The following PPIP5K1 variants were observed in gnomAD, a reference collection of about 807,000 sequenced individuals.
PPIP5K1 encodes diphosphoinositol pentakisphosphate kinase 1.
Under a neutral mutation model 27.7 loss-of-function variants are expected in PPIP5K1, and 6 were observed. That is an observed-to-expected ratio of 0.22 (90% CI 0.12 to 0.43). PPIP5K1 has a LOEUF of 0.43. Among genes scored for constraint, PPIP5K1 ranks in the 20% least tolerant of loss-of-function variants. The probability of loss-of-function intolerance (pLI) is 1.00; values close to 1 mark genes in which losing one functional copy is unlikely to be tolerated. For synonymous variants in PPIP5K1, 145 were observed against 242.6 expected, an observed-to-expected ratio of 0.60 and a Z score of 3.74; for missense variants, 394 against 635.4, an observed-to-expected ratio of 0.62 and a Z score of 4.08.
intron 30 of PPIP5K1, among the ~76,000 whole-genome samples, chr15:43,554,807 T>C (rs945343665): frequency 6.6e-6 from 1 of 152,056 alleles, no homozygotes; most frequent in African/African-American, 2.4e-5. Context: ...ATTATAATTA[T>C]AATTAAATAT....
At chr15:43,551,536 C>CAAT (rs1482640091) in intron 30 of PPIP5K1, among the ~76,000 whole-genome samples, 4 of 142,238 alleles carry the variant, frequency 2.8e-5, no homozygotes, top group African/African-American at 5.3e-5. Context: ...AAAAAACCCA[C>CAAT]AATAATAATA....
At chr15:43,547,884 A>G (rs1347636074) in intron 30 of PPIP5K1, among the ~76,000 whole-genome samples, 1 of 152,258 alleles carries the variant, frequency 6.6e-6, no homozygotes, top group African/African-American at 2.4e-5. Context: ...ATTTCTGAAG[A>G]AAAGACATTA....
In PPIP5K1 at chr15:43,535,044, T is replaced by C; in HGVS notation, c.4103A>G (p.Gln1368Arg). ...TTTCTGGCACAGTTGGCTGGACTTC[T>C]GGCATGGCTGGCTGATGTGAGGGAC... Reference protein sequence around the residue: ...QEVPHISQPCQKSSQLCQKVS... With the variant: ...QEVPHISQPCRKSSQLCQKVS... Residue 1368 changes from glutamine to arginine, a missense_variant, in exon 32 of 32, where the codon CAG becomes CGG. Around this residue, in one of 4 missense-constraint regions of PPIP5K1, gnomAD observed 379 missense variants for 423.9 expected, o/e 0.89. Transcript: ENST00000420765. 6.2e-7 allele frequency: 1 copy of C among 1,613,842 alleles called. No individual in the cohort carries two copies. Among genetic ancestry groups the C allele is most frequent in the South Asian group, 1.1e-5 (1 of 91,056 alleles).
At chr15:43,558,377 A>G (rs1254238661) in intron 30 of PPIP5K1, among the ~76,000 whole-genome samples, 1 of 151,898 alleles carries the variant, frequency 6.6e-6, no homozygotes, top group Non-Finnish European at 1.5e-5. Context: ...GCAGGCGCAC[A>G]CCACCGCACC....
In PPIP5K1 at chr15:43,534,579, T is replaced by C. The variant is rs967808644; in HGVS notation, c.*95A>G. On this transcript the variant is annotated 3_prime_UTR_variant, in exon 32 of 32. Coordinates refer to ENST00000420765, the MANE Select transcript of PPIP5K1 (RefSeq NM_001394395.1). ...TGAGTGCTGGTCATGGGCTAGAGAC[T>C]GGCTCTGAGGGTTTGGATCACCAGA... The C allele has an allele frequency of 7.1e-6, 8 of 1,134,412 alleles. No individual in the cohort carries two copies. The highest frequency in any genetic ancestry group is 9.9e-6 in the Non-Finnish European group (8 of 804,204). The allele number at this position is 1,134,412 out of a possible 1,614,324, so 70.3% of individuals were successfully genotyped here. A position where few individuals can be genotyped will look rare whatever the true frequency, so the allele number is the denominator to read the frequency against.
At chr15:43,554,863 TTCTC>T (rs1277468695) in intron 30 of PPIP5K1, among the ~76,000 whole-genome samples, 1 of 152,068 alleles carries the variant, frequency 6.6e-6, no homozygotes, top group East Asian at 1.9e-4. Context: ...CAGATGGAGT[TTCTC>T]TCTTGCCATC....
chr15:43,556,960 G>T (rs1188623328), intron 30 of PPIP5K1, among the ~76,000 whole-genome samples: 1 of 152,150 alleles, frequency 6.6e-6, no homozygotes, highest in African/African-American at 2.4e-5. Context: ...TCACAATGTT[G>T]GTTCTAGCAG....
chr15:43,556,626 C>T (rs914498883), intron 30 of PPIP5K1, among the ~76,000 whole-genome samples: 1 of 152,056 alleles, frequency 6.6e-6, no homozygotes, highest in Non-Finnish European at 1.5e-5. Flanking sequence ...CTCTGCACAG[C>T]CACTTTTCTG....
In PPIP5K1 at chr15:43,534,710, A is replaced by T; in HGVS notation, c.4437T>A (p.Asp1479Glu). ...CCTCAGGGACCTCCTGGGCCTGCAG[A>T]TCAATCTCCTCAGGGAACTCTTGGG... ...KPSQEFPEEIDLQAQEVPEEI... is the reference protein window; with the variant it reads ...KPSQEFPEEIELQAQEVPEEI... Residue 1479 changes from aspartate to glutamate, a missense_variant, in exon 32 of 32, where the codon GAT becomes GAA. Asp to Glu is a conservative substitution (Grantham distance 45). This residue lies in a region of PPIP5K1 where 379 missense variants were observed against 423.9 expected (regional missense o/e 0.89). Coordinates refer to ENST00000420765, the MANE Select transcript of PPIP5K1 (RefSeq NM_001394395.1). 1 of 1,523,992 alleles carries T rather than the reference A, an allele frequency of 6.6e-7. No homozygotes were observed. Among genetic ancestry groups the T allele is most frequent in the Non-Finnish European group, 8.8e-7 (1 of 1,139,784 alleles). The allele number at this position is 1,523,992 out of a possible 1,614,324, so 94.4% of individuals were successfully genotyped here.
chr15:43,555,577 TG>T (rs1274808324), intron 30 of PPIP5K1, among the ~76,000 whole-genome samples: 1 of 152,084 alleles, frequency 6.6e-6, no homozygotes, highest in East Asian at 1.9e-4. Flanking sequence ...TGAGCCACCA[TG>T]CCTGGCTGAA....
chr15:43,545,494 T>TA (rs2140577018), intron 30 of PPIP5K1, among the ~76,000 whole-genome samples: 1 of 149,994 alleles, frequency 6.7e-6, no homozygotes, highest in South Asian at 2.1e-4. Flanking sequence ...TTTTTTTTTT[T>TA]AGTGATGGGG....
rs1388186738 is a variant in PPIP5K1 at position 43,536,184 on chromosome 15, C to T, written c.3671-708G>A. 5 of 910,680 alleles carry T rather than the reference C, an allele frequency of 5.5e-6. No individual in the cohort carries two copies. In the African/African-American group the frequency reaches 7.0e-5, roughly 13 times the overall value. 56.4% of individuals were successfully genotyped at this position (910,680 alleles called of 1,614,324 possible). A position where few individuals can be genotyped will look rare whatever the true frequency, so the allele number is the denominator to read the frequency against. On this transcript the variant is annotated intron_variant, in intron 31 of 31. Transcript: ENST00000420765. ...CTGTAATCCCAGCACTTTGGGAGGC[C>T]GAGGCAGGCAGATCACTTGAGGTCA...
At chr15:43,551,819 A>G (rs1246910662) in intron 30 of PPIP5K1, among the ~76,000 whole-genome samples, 1 of 151,598 alleles carries the variant, frequency 6.6e-6, no homozygotes, top group Non-Finnish European at 1.5e-5. Flanking sequence ...TAGCCGGGAT[A>G]GTCTCGATCT....
chr15:43,555,579 C>G (rs552646422), intron 30 of PPIP5K1, among the ~76,000 whole-genome samples: 5 of 152,136 alleles, frequency 3.3e-5, no homozygotes, highest in Admixed American at 1.3e-4. Context: ...AGCCACCATG[C>G]CTGGCTGAAT....
At chr15:43,559,064 T>G in intron 29 of PPIP5K1, 132 bp from the exon 30 acceptor site, 1 of 1,055,560 alleles carries the variant, frequency 9.5e-7, no homozygotes, top group Non-Finnish European at 1.4e-6. Context: ...TATCCAAGAC[T>G]CTTAGGAGAG....
At position 43,534,597 on chromosome 15, in the gene PPIP5K1, TCAC is replaced by T; in HGVS notation, c.*74_*76del. On this transcript the variant is annotated 3_prime_UTR_variant, in exon 32 of 32. Transcript: ENST00000420765. ...TAGAGACTGGCTCTGAGGGTTTGGA[TCAC>T]CAGATGGATGCTGGGCTTGAGGAAT... is the stretch of plus-strand genomic sequence containing the variant. 1 of 1,331,134 alleles carries T rather than the reference TCAC, an allele frequency of 7.5e-7. No individual in the cohort carries two copies. The highest frequency in any genetic ancestry group is 2.4e-5 in the Admixed American group (1 of 41,350). The allele number at this position is 1,331,134 out of a possible 1,614,324, so 82.5% of individuals were successfully genotyped here. A position where few individuals can be genotyped will look rare whatever the true frequency, so the allele number is the denominator to read the frequency against.
intron 30 of PPIP5K1, among the ~76,000 whole-genome samples, chr15:43,557,828 C>T (rs900466747): frequency 6.8e-6 from 1 of 147,742 alleles, no homozygotes; most frequent in Non-Finnish European, 1.5e-5. Flanking sequence ...CCATGCATAG[C>T]CTTTTTTTTT....
intron 30 of PPIP5K1, among the ~76,000 whole-genome samples, chr15:43,549,048 AAAAAAAAAATATATATATAT>A (rs2081822175): frequency 1.3e-5 from 1 of 79,836 alleles, no homozygotes; most frequent in African/African-American, 1.3e-4. Context: ...AAAAAAAAAA[AAAAAAAAAATATATATATAT>A]ATATATATAT....
chr15:43,541,691 T>A (rs1233886431), intron 30 of PPIP5K1, among the ~76,000 whole-genome samples: 2 of 142,044 alleles, frequency 1.4e-5, no homozygotes, highest in African/African-American at 2.7e-5. Context: ...GCCACTACAC[T>A]CCAGCCTGGG....
Sources: gnomAD v4.1 joint callset for allele counts (sites outside exome capture counted in the v4.1 genomes callset) on GRCh38, gnomAD v4.1.1 for gene constraint, gnomAD v4.1.1 regional missense constraint, MANE v1.5 for transcripts, NCBI Gene and HGNC (gene_info 2026-07-23, HGNC 2026-07-21) for gene names.